The following ZNFX1 variants were observed in gnomAD, a reference collection of about 807,000 sequenced individuals.
The protein encoded by ZNFX1 is NFX1-type zinc finger-containing protein 1.
In ZNFX1, 78 loss-of-function variants were observed where a neutral mutation model predicts 179.8. The ratio of observed to expected loss-of-function variants is 0.43; its 90% confidence interval spans 0.36 to 0.52. ZNFX1 has a LOEUF of 0.52. Ranked by LOEUF, ZNFX1 falls within the 20% of genes least tolerant of loss-of-function variation. ZNFX1 has a pLI of 0.00. For missense variants in ZNFX1, 1,927 were observed against 2,386.6 expected, an observed-to-expected ratio of 0.81 and a Z score of 4.01; for synonymous variants, 848 against 868.5, an observed-to-expected ratio of 0.98 and a Z score of 0.42.
In ZNFX1 at chr20:49,248,216, T is replaced by C; in HGVS notation, c.4808A>G (p.Tyr1603Cys). Residue 1603 changes from tyrosine to cysteine, a missense_variant, in exon 14 of 14, where the codon TAC (tyrosine) becomes TGC (cysteine). Transcript: ENST00000396105. The surrounding 1 kb of genome is among the most constrained non-coding windows in gnomAD (Gnocchi z 4.6). ...TTCATCATCCTTCTGTTCATTCATG[T>C]AGCGGTCTAGGGCTTGCACCTCAAA... ...HIFEVQALDRYMNEQKDDEVA... is the reference protein window; with the variant it reads ...HIFEVQALDRCMNEQKDDEVA... 6.2e-7 allele frequency: 1 copy of C among 1,614,168 alleles called. No homozygotes were observed. The highest frequency in any genetic ancestry group is 1.6e-4 in the Middle Eastern group (1 of 6,062).
chr20:49,262,535 T>G (rs1201353642), intron 6 of ZNFX1, among the ~76,000 whole-genome samples: 2 of 152,218 alleles, frequency 1.3e-5, no homozygotes, highest in African/African-American at 4.8e-5. Context: ...GGAGCTGGGT[T>G]GCTACCACAT....
At chr20:49,256,255 T>C (rs1414928693) in intron 8 of ZNFX1, among the ~76,000 whole-genome samples, 1 of 152,232 alleles carries the variant, frequency 6.6e-6, no homozygotes, top group African/African-American at 2.4e-5. Flanking sequence ...TATCTCTTTA[T>C]AGGATTGTTG....
chr20:49,268,595 T>C (rs1981303422), intron 3 of ZNFX1, among the ~76,000 whole-genome samples: 2 of 152,114 alleles, frequency 1.3e-5, no homozygotes, highest in Admixed American at 1.3e-4. Flanking sequence ...ACCTACAAAA[T>C]GAGACAAAAT....
In ZNFX1 at chr20:49,247,726, C is replaced by G; in HGVS notation, c.5298G>C (p.Leu1766=). The G allele has an allele frequency of 6.2e-7, 1 of 1,614,162 alleles. No homozygotes were observed. The highest frequency in any genetic ancestry group is 8.5e-7 in the Non-Finnish European group (1 of 1,180,026). The stretch of plus-strand genomic sequence containing the variant: ...TCTTGTAGCGGGTCAGAAGGTTCAC[C>G]AGGTATGTGAGCCTCTGGATTTCAC... ...LRSEIQRLTY[L]VNLLTRYKIA... is the part of the protein sequence containing the mutation. The change falls in exon 14 of 14, where the codon CTG becomes CTC. Residue 1766 remains leucine, a synonymous_variant. Transcript: ENST00000396105.
At chr20:49,262,952 C>G (rs1981150680) in intron 6 of ZNFX1, among the ~76,000 whole-genome samples, 1 of 152,158 alleles carries the variant, frequency 6.6e-6, no homozygotes, top group Non-Finnish European at 1.5e-5. Flanking sequence ...ACAAATATCA[C>G]CTTGCTCATC....
intron 2 of ZNFX1, 32 bp downstream of exon 2, chr20:49,275,747 T>G: frequency 6.2e-7 from 1 of 1,609,214 alleles, no homozygotes; most frequent in Non-Finnish European, 8.5e-7. Flanking sequence ...TTACTAGAAT[T>G]TCCTTCTCAT....
At position 49,270,529 on chromosome 20, in the gene ZNFX1, TAG is replaced by T; in HGVS notation, c.1281_1282del (p.Tyr428GlnfsTer5). On this transcript the variant is annotated frameshift_variant, in exon 3 of 14. Transcript: ENST00000396105. LOFTEE classifies it high-confidence loss of function. The surrounding 1 kb of genome is among the most constrained non-coding windows in gnomAD (Gnocchi z 4.6). ...TGGTTTTGTGTCAAACTGCACCTTG[TAG>T]ACTATGCCTGATGATGAACACATGG... The T allele has an allele frequency of 6.2e-7, 1 of 1,614,266 alleles. No homozygotes were observed. Among genetic ancestry groups the T allele is most frequent in the Non-Finnish European group, 8.5e-7 (1 of 1,180,048 alleles).
chr20:49,257,933 C>T (rs1316327648), intron 7 of ZNFX1, among the ~76,000 whole-genome samples: 10 of 151,624 alleles, frequency 6.6e-5, no homozygotes, highest in Admixed American at 2.0e-4. Context: ...AGGCTGGTCT[C>T]GAACTCCTGA....
At chr20:49,268,661 TA>T (rs966694635) in intron 3 of ZNFX1, among the ~76,000 whole-genome samples, 4 of 151,740 alleles carry the variant, frequency 2.6e-5, no homozygotes, top group African/African-American at 9.7e-5. Context: ...ACAACCCCAT[TA>T]AAAAATGAGC....
chr20:49,253,745 G>GCAGCTTCTTCCA lies in ZNFX1; in HGVS notation c.3014_3025dup (p.Val1005_Ala1008dup), dbSNP rs1568982450. On this transcript the variant is annotated inframe_insertion, in exon 11 of 14. Coordinates refer to ENST00000396105, the MANE Select transcript of ZNFX1 (RefSeq NM_021035.3). ...AATGGTATGGGCCTCAAGGACTTCC[G>GCAGCTTCTTCCA]CAGCTTCTTCCACTATGACAATCCT... The GCAGCTTCTTCCA allele has an allele frequency of 6.2e-7, 1 of 1,614,162 alleles. No homozygotes were observed. Among genetic ancestry groups the GCAGCTTCTTCCA allele is most frequent in the Non-Finnish European group, 8.5e-7 (1 of 1,180,044 alleles).
chr20:49,270,302 G>A lies in ZNFX1; in HGVS notation c.1510C>T (p.Leu504Phe). The A allele has an allele frequency of 6.2e-7, 1 of 1,614,100 alleles. No individual in the cohort carries two copies. The highest frequency in any genetic ancestry group is 8.5e-7 in the Non-Finnish European group (1 of 1,180,026). The change falls in exon 3 of 14, where the codon CTC (leucine) becomes TTC (phenylalanine). Residue 504 changes from leucine to phenylalanine, a missense_variant. Physicochemically the swap from Leu to Phe is conservative, Grantham distance 22. Coordinates refer to ENST00000396105, the MANE Select transcript of ZNFX1 (RefSeq NM_021035.3). The surrounding 1 kb of genome is among the most constrained non-coding windows in gnomAD (Gnocchi z 4.6). ...AAGTATGCAGTTGTCTCTACCATGA[G>A]GAAAGAGTCAGAGGGCTGGACCTCT... ...LAEVQPSDSF[L>F]MVETTAYFEA...
At chr20:49,268,161 C>G (rs1467022458) in intron 3 of ZNFX1, among the ~76,000 whole-genome samples, 1 of 152,156 alleles carries the variant, frequency 6.6e-6, no homozygotes, top group East Asian at 1.9e-4. Context: ...AGGTGTGAGC[C>G]ACCGTGCCTG....
chr20:49,263,619 A>G (rs1242006986), intron 5 of ZNFX1, 136 bp from the exon 6 acceptor site: 3 of 1,070,408 alleles, frequency 2.8e-6, no homozygotes, highest in South Asian at 3.1e-5. Flanking sequence ...TCAACAAACC[A>G]ATTTCCCAAG....
intron 6 of ZNFX1, among the ~76,000 whole-genome samples, chr20:49,261,180 G>C (rs759749256): frequency 9.2e-5 from 14 of 152,274 alleles, no homozygotes; most frequent in Admixed American, 2.0e-4. Context: ...GCTGCAGTGA[G>C]CTATGATTAT....
chr20:49,273,515 C>G (rs191088243), intron 2 of ZNFX1, among the ~76,000 whole-genome samples: 5 of 152,246 alleles, frequency 3.3e-5, no homozygotes, highest in African/African-American at 1.2e-4. Flanking sequence ...ATAATTGTTA[C>G]TTACATATTT....
chr20:49,249,229 C>A lies in ZNFX1; in HGVS notation c.3795G>T (p.Gln1265His). ...CTAAGGTGTGGGTTTCAGGGTGGTT[C>A]TGGCAGCAGAGCCGGAGCATGGGGC... ...QIGPMLRLCC[Q>H]NHPETHTLVS... Residue 1265 changes from glutamine (Q) to histidine (H), a missense_variant, in exon 14 of 14, where the codon CAG becomes CAT. By Grantham distance (24) the Gln-to-His change is conservative. Coordinates refer to ENST00000396105, the MANE Select transcript of ZNFX1 (RefSeq NM_021035.3). 6.2e-7 allele frequency: 1 copy of A among 1,614,224 alleles called. No homozygotes were observed. The highest frequency in any genetic ancestry group is 8.5e-7 in the Non-Finnish European group (1 of 1,180,044).
intron 2 of ZNFX1, among the ~76,000 whole-genome samples, chr20:49,274,808 T>C (rs1981510278): frequency 6.6e-6 from 1 of 151,122 alleles, no homozygotes; most frequent in African/African-American, 2.4e-5. Context: ...TCTTCTTACG[T>C]TTTAAAATGA....
chr20:49,257,248 C>T lies in ZNFX1; in HGVS notation c.2664+169G>A, dbSNP rs537095042. Among the ~76,000 whole-genome samples the T allele has an allele frequency of 8.9e-4, 136 of 152,288 alleles. 1 individual carries two copies. The highest frequency in any genetic ancestry group is 2.9e-3 in the African/African-American group (120 of 41,562). On this transcript the variant is annotated intron_variant, in intron 8 of 13. Transcript: ENST00000396105. ...TGCCAGAGGCCCTCTGAAGAACCAT[C>T]GTATTTATATCCTTGGGAATCACTA...
At chr20:49,268,437 CTT>C (rs1981298137) in intron 3 of ZNFX1, among the ~76,000 whole-genome samples, 2 of 152,262 alleles carry the variant, frequency 1.3e-5, no homozygotes, top group South Asian at 4.1e-4. Flanking sequence ...TGAGCAGCTA[CTT>C]TATAAACAAA....
Sources: allele counts gnomAD v4.1 joint callset (sites outside exome capture counted in the v4.1 genomes callset), GRCh38; gene constraint gnomAD v4.1.1; non-coding constraint Gnocchi (gnomAD v3.1); transcripts MANE v1.5; gene names NCBI Gene and HGNC (gene_info 2026-07-23, HGNC 2026-07-21).